HPGDS: variants seen among roughly 807,000 people sequenced by gnomAD.
The protein encoded by HPGDS is GST class-sigma.
A neutral mutation model predicts 23.1 loss-of-function variants in HPGDS; 26 were observed. The observed-to-expected ratio is 1.13, with a 90% CI of 0.83 to 1.56. The LOEUF (loss-of-function observed/expected upper bound fraction) is 1.56. Among genes scored for constraint, HPGDS ranks in the 40% most tolerant of loss-of-function variants. The probability of loss-of-function intolerance (pLI) is 0.00; values close to 1 mark genes in which losing one functional copy is unlikely to be tolerated. For synonymous variants in HPGDS, 95 were observed against 77.9 expected (o/e 1.22, Z -1.16); for missense variants, 268 against 236.4 (o/e 1.13, Z -0.88).
chr4:94,334,423 T>G, intron 2 of HPGDS, 74 bp downstream of exon 2: 2 of 1,366,392 alleles, frequency 1.5e-6, no homozygotes, highest in South Asian at 3.2e-5. Flanking sequence ...CTTGATTTTT[T>G]TTTCATTTCC....
intron 3 of HPGDS, among the ~76,000 whole-genome samples, chr4:94,317,244 T>C (rs1332962226): frequency 1.3e-5 from 2 of 151,834 alleles, no homozygotes; most frequent in African/African-American, 2.4e-5. Context: ...TCAAAAAGGG[T>C]GTGAGAATAG....
At chr4:94,303,822 T>C (rs1334607326) in intron 4 of HPGDS, 1 of 152,128 alleles carries the variant, frequency 6.6e-6, no homozygotes. Context: ...GGTGCACCAA[T>C]GTTTGTGTAT....
intron 2 of HPGDS, among the ~76,000 whole-genome samples, chr4:94,328,951 C>A (rs1250102387): frequency 6.6e-6 from 1 of 152,168 alleles, no homozygotes; most frequent in Non-Finnish European, 1.5e-5. Context: ...TACTTCACAT[C>A]TGGAATAAAA....
intron 5 of HPGDS, among the ~76,000 whole-genome samples, chr4:94,300,590 C>T (rs1756020728): frequency 6.6e-6 from 1 of 152,098 alleles, no homozygotes; most frequent in Non-Finnish European, 1.5e-5. Flanking sequence ...AGAATTTATT[C>T]AAATATTTAT....
Position 94,317,892 on chromosome 4 carries a change from T to C in HPGDS, c.207A>G (p.Arg69=), listed in dbSNP as rs1404698346. 2 of 1,609,694 alleles carry C rather than the reference T, an allele frequency of 1.2e-6. No individual in the cohort carries two copies. Among genetic ancestry groups the C allele is most frequent in the Non-Finnish European group, 1.7e-6 (2 of 1,176,946 alleles). ...LTLHQSLAIA[R]YLTKNTDLAG... ...TGTTACCTGTGTTTTTGGTCAAATA[T>C]CTTGCTATTGCTAGGCTCTGGTGAA... is the stretch of plus-strand genomic sequence containing the variant. Residue 69 remains arginine, a synonymous_variant, in exon 3 of 6, where the codon AGA becomes AGG. Coordinates refer to ENST00000295256, the MANE Select transcript of HPGDS (RefSeq NM_014485.3).
intron 2 of HPGDS, 76 bp from the exon 3 acceptor site, chr4:94,318,041 C>T (rs960505521): frequency 2.4e-5 from 19 of 791,634 alleles, no homozygotes; most frequent in South Asian, 2.2e-4. Flanking sequence ...TACTGATCAT[C>T]GTGAAAACAA....
At chr4:94,317,721 T>A in intron 3 of HPGDS, 152 bp downstream of exon 3, 3 of 474,774 alleles carry the variant, frequency 6.3e-6, no homozygotes, top group Non-Finnish European at 1.1e-5. Flanking sequence ...AAAGTTAAAC[T>A]GATACAGGTG....
In HPGDS at chr4:94,299,151, C is replaced by T; in HGVS notation, c.*329G>A. ...ACAGGTAATTGTGGTAGCTGAAGTC[C>T]AAAACATTTTGGGGGAGGGGAAGAA... is the stretch of plus-strand genomic sequence containing the variant. On this transcript the variant is annotated 3_prime_UTR_variant, in exon 6 of 6. Transcript: ENST00000295256. 3 of 192,130 alleles carry T rather than the reference C, an allele frequency of 1.6e-5. No individual in the cohort carries two copies. Among genetic ancestry groups the T allele is most frequent in the Non-Finnish European group, 3.2e-5 (3 of 94,258 alleles). 11.9% of individuals were successfully genotyped at this position (192,130 alleles called of 1,614,324 possible). A position where few individuals can be genotyped will look rare whatever the true frequency, so the allele number is the denominator to read the frequency against.
chr4:94,319,578 A>AT (rs1215828624), intron 2 of HPGDS, among the ~76,000 whole-genome samples: 2 of 151,832 alleles, frequency 1.3e-5, no homozygotes, highest in African/African-American at 2.4e-5. Context: ...ATAACTTTTG[A>AT]TTTTTTCTCT....
intron 3 of HPGDS, among the ~76,000 whole-genome samples, chr4:94,311,760 T>C (rs182492457): frequency 5.3e-5 from 8 of 151,484 alleles, no homozygotes; most frequent in Admixed American, 2.6e-4. Flanking sequence ...TGTGAGTCCA[T>C]CTGGTCCTGG....
Position 94,302,195 on chromosome 4 carries a change from TG to T in HPGDS, c.385del (p.Gln129LysfsTer7). 1.2e-6 allele frequency: 2 copies of T among 1,612,760 alleles called. No homozygotes were observed. Among genetic ancestry groups the T allele is most frequent in the Non-Finnish European group, 1.7e-6 (2 of 1,179,046 alleles). ...LLTYNAPHLM[Q>X]DLDTYLGGRE... ...CCCCCCTAAATATGTGTCCAAGTCT[TG>T]CATAAGATGAGGCGCATTATACGTG... On this transcript the variant is annotated frameshift_variant, in exon 5 of 6. Coordinates refer to ENST00000295256, the MANE Select transcript of HPGDS (RefSeq NM_014485.3). LOFTEE classifies it high-confidence loss of function.
chr4:94,308,344 A>G (rs765303586), intron 4 of HPGDS, among the ~76,000 whole-genome samples: 6 of 152,218 alleles, frequency 3.9e-5, no homozygotes, highest in Middle Eastern at 3.4e-3. Context: ...ATCATTTACA[A>G]TTGGTCAATC....
At chr4:94,312,480 T>C (rs1756295586) in intron 3 of HPGDS, among the ~76,000 whole-genome samples, 1 of 152,218 alleles carries the variant, frequency 6.6e-6, no homozygotes, top group Non-Finnish European at 1.5e-5. Context: ...GAGTTCTAAT[T>C]TGATTGCACT....
chr4:94,314,003 A>C (rs1451635090), intron 3 of HPGDS, among the ~76,000 whole-genome samples: 1 of 152,068 alleles, frequency 6.6e-6, no homozygotes, highest in Non-Finnish European at 1.5e-5. Flanking sequence ...TCCTTTAAGG[A>C]CTTCTCTGCA....
At chr4:94,325,286 A>G (rs1411926289) in intron 2 of HPGDS, among the ~76,000 whole-genome samples, 1 of 152,174 alleles carries the variant, frequency 6.6e-6, no homozygotes, top group Non-Finnish European at 1.5e-5. Context: ...CTCAAACACC[A>G]TGCTGGGAGA....
intron 2 of HPGDS, among the ~76,000 whole-genome samples, chr4:94,333,969 C>G (rs918249002): frequency 5.3e-5 from 8 of 152,180 alleles, no homozygotes; most frequent in African/African-American, 1.9e-4. Flanking sequence ...GAAGAGGTCT[C>G]TGCTAAGAAA....
At chr4:94,316,258 G>A (rs1756396964) in intron 3 of HPGDS, among the ~76,000 whole-genome samples, 1 of 152,182 alleles carries the variant, frequency 6.6e-6, no homozygotes, top group African/African-American at 2.4e-5. Flanking sequence ...AGAAAAGGAG[G>A]AAGTAGCAGT....
rs1355637850 is a variant in HPGDS, at chr4:94,340,845, C to CTTT, written c.-10+1947_-10+1949dup. 1.0e-3 allele frequency among the ~76,000 whole-genome samples: 98 copies of CTTT among 97,144 alleles called. 7 individuals carry two copies. Among genetic ancestry groups the CTTT allele is most frequent in the Middle Eastern group, 8.6e-3 (1 of 116 alleles). 63.7% of individuals were successfully genotyped at this position (97,144 alleles called of 152,430 possible). On this transcript the variant is annotated intron_variant, in intron 1 of 5. Coordinates refer to ENST00000295256, the MANE Select transcript of HPGDS (RefSeq NM_014485.3). ...GGCAAATTTTTTTCTTTTTTTTTTT[C>CTTT]TTTCTTTTTTTTTTTTTGAGACGGA...
In HPGDS at chr4:94,299,249, A is replaced by G. The variant is rs976592405; in HGVS notation, c.*231T>C. On this transcript the variant is annotated 3_prime_UTR_variant, in exon 6 of 6. Transcript: ENST00000295256. ...GTGCAAAGCAAGGTCTGCCTGTATT[A>G]CATACTATTTTTCTGTAATTGTAAA... The G allele has an allele frequency of 6.8e-6, 3 of 440,242 alleles. No homozygotes were observed. The highest frequency in any genetic ancestry group is 5.9e-5 in the African/African-American group (3 of 51,042). The allele number at this position is 440,242 out of a possible 1,614,324, so 27.3% of individuals were successfully genotyped here. A position where few individuals can be genotyped will look rare whatever the true frequency, so the allele number is the denominator to read the frequency against.
Sources: gnomAD v4.1 joint callset for allele counts (sites outside exome capture counted in the v4.1 genomes callset) on GRCh38, gnomAD v4.1.1 for gene constraint, MANE v1.5 for transcripts, NCBI Gene and HGNC (gene_info 2026-07-23, HGNC 2026-07-21) for gene names.